The following SCPPPQ1 variants were observed in gnomAD, a reference collection of about 807,000 sequenced individuals.
SCPPPQ1 encodes the protein secretory calcium-binding phosphoprotein proline-glutamine rich 1, also known as secretory calcium-binding phosphoprotein proline- and glutamine-rich 1.
chr4:87,461,613 A>G, the SCPPPQ1 span, among the ~76,000 whole-genome samples: 1 of 152,340 alleles, frequency 6.6e-6, no homozygotes, highest in South Asian at 2.1e-4. Context: ...TCAAACTCAA[A>G]TAGAAGGATA....
chr4:87,464,304 CT>C, the SCPPPQ1 span, among the ~76,000 whole-genome samples: 3 of 151,872 alleles, frequency 2.0e-5, no homozygotes, highest in Non-Finnish European at 4.4e-5. Flanking sequence ...CGAGAGCATG[CT>C]TTTTAGAATT....
At chr4:87,462,489 C>G in the SCPPPQ1 span, among the ~76,000 whole-genome samples, 1 of 151,508 alleles carries the variant, frequency 6.6e-6, no homozygotes, top group Non-Finnish European at 1.5e-5. Context: ...TTCTTTCTTT[C>G]TTTCTTTCTT....
At chr4:87,466,207 T>C in the SCPPPQ1 span, among the ~76,000 whole-genome samples, 5 of 151,814 alleles carry the variant, frequency 3.3e-5, no homozygotes, top group Non-Finnish European at 1.5e-5. Flanking sequence ...CCAACTAACA[T>C]GGTGAAACCC....
At chr4:87,463,846 C>T in the SCPPPQ1 span, among the ~76,000 whole-genome samples, 1 of 152,174 alleles carries the variant, frequency 6.6e-6, no homozygotes, top group Non-Finnish European at 1.5e-5. Context: ...TGAGAACTTG[C>T]TTATACAAGC....
At chr4:87,465,092 C>T in the SCPPPQ1 span, among the ~76,000 whole-genome samples, 7 of 152,084 alleles carry the variant, frequency 4.6e-5, no homozygotes, top group Admixed American at 4.6e-4. Flanking sequence ...CAAATGTAAG[C>T]ATAAAATTTT....
At chr4:87,465,482 TA>T in the SCPPPQ1 span, among the ~76,000 whole-genome samples, 1 of 147,012 alleles carries the variant, frequency 6.8e-6, no homozygotes, top group Admixed American at 7.1e-5. Context: ...TGTATTAGTT[TA>T]AGTATTTCCT....
chr4:87,465,132 G>A, the SCPPPQ1 span, among the ~76,000 whole-genome samples: 1 of 152,106 alleles, frequency 6.6e-6, no homozygotes, highest in Admixed American at 6.5e-5. Flanking sequence ...TAAATCATCT[G>A]TTGTCACTGT....
chr4:87,467,037 A>G, the SCPPPQ1 span, among the ~76,000 whole-genome samples: 1 of 152,312 alleles, frequency 6.6e-6, no homozygotes, highest in Admixed American at 6.5e-5. Flanking sequence ...GCACCCATGC[A>G]CTTGCTGTTC....
the SCPPPQ1 span, among the ~76,000 whole-genome samples, chr4:87,465,588 A>AAAAAAAAAAAT: frequency 7.2e-6 from 1 of 138,330 alleles, no homozygotes; most frequent in Non-Finnish European, 1.6e-5. Context: ...AAAAAAAAAA[A>AAAAAAAAAAAT]GTAAATTGTG....
At chr4:87,470,451 G>A in the SCPPPQ1 span, among the ~76,000 whole-genome samples, 3 of 152,018 alleles carry the variant, frequency 2.0e-5, no homozygotes. Flanking sequence ...TATAGTTCTC[G>A]GGAAGGAAAT....
At chr4:87,461,676 G>C in the SCPPPQ1 span, among the ~76,000 whole-genome samples, 4 of 152,082 alleles carry the variant, frequency 2.6e-5, no homozygotes, top group Non-Finnish European at 5.9e-5. Flanking sequence ...GGCTAAAGGG[G>C]GAACTTGAAA....
At chr4:87,470,205 A>C in the SCPPPQ1 span, among the ~76,000 whole-genome samples, 1 of 151,986 alleles carries the variant, frequency 6.6e-6, no homozygotes, top group Non-Finnish European at 1.5e-5. Flanking sequence ...GCCTCAATCA[A>C]CCTTCCCACC....
At chr4:87,463,577 G>C in the SCPPPQ1 span, among the ~76,000 whole-genome samples, 2 of 151,510 alleles carry the variant, frequency 1.3e-5, no homozygotes, top group Non-Finnish European at 2.9e-5. Flanking sequence ...CCATTTTATT[G>C]CTTAGTATAT....
the SCPPPQ1 span, among the ~76,000 whole-genome samples, chr4:87,465,709 ATATC>A: frequency 2.9e-4 from 44 of 152,012 alleles, no homozygotes; most frequent in Non-Finnish European, 5.6e-4. Flanking sequence ...CAATTATTCT[ATATC>A]TAGGGTTTAG....
the SCPPPQ1 span, among the ~76,000 whole-genome samples, chr4:87,462,924 G>C: frequency 2.0e-5 from 3 of 151,262 alleles, no homozygotes; most frequent in Admixed American, 6.6e-5. Context: ...CTTGAGCCTG[G>C]GGGGGCAGAG....
chr4:87,467,240 C>T, the SCPPPQ1 span, among the ~76,000 whole-genome samples: 1 of 152,138 alleles, frequency 6.6e-6, no homozygotes, highest in Non-Finnish European at 1.5e-5. Context: ...AAGCACTCAC[C>T]GTTGACTCTA....
At chr4:87,470,627 C>G in the SCPPPQ1 span, among the ~76,000 whole-genome samples, 1 of 151,938 alleles carries the variant, frequency 6.6e-6, no homozygotes, top group African/African-American at 2.4e-5. Flanking sequence ...AATTAACTTA[C>G]CTTGTGAGTT....
chr4:87,469,493 C>T, the SCPPPQ1 span, among the ~76,000 whole-genome samples: 1 of 152,130 alleles, frequency 6.6e-6, no homozygotes, highest in South Asian at 2.1e-4. Context: ...TTCCGCTTTC[C>T]TCTTTTGTGA....
chr4:87,470,414 T>C, the SCPPPQ1 span, among the ~76,000 whole-genome samples: 1 of 152,204 alleles, frequency 6.6e-6, no homozygotes, highest in African/African-American at 2.4e-5. Flanking sequence ...CAGGCCTTCA[T>C]ATAGTCTGGT....
Sources: allele counts gnomAD v4.1 joint callset (sites outside exome capture counted in the v4.1 genomes callset), GRCh38; gene constraint gnomAD v4.1.1; transcripts MANE v1.5; gene names NCBI Gene and HGNC (gene_info 2026-07-23, HGNC 2026-07-21).